Variants in CFAP65 observed in about 807,000 individuals in gnomAD.
The protein encoded by CFAP65 is cilia and flagella associated protein 65, also known as cilia- and flagella-associated protein 65.
A neutral mutation model predicts 208.0 loss-of-function variants in CFAP65; 155 were observed. That is an observed-to-expected ratio of 0.75 (90% CI 0.65 to 0.85). CFAP65 has a LOEUF of 0.85. Ranked by LOEUF, CFAP65 falls within the 40% of genes least tolerant of loss-of-function variation. The probability of loss-of-function intolerance (pLI) is 0.00; values close to 1 mark genes in which losing one functional copy is unlikely to be tolerated. For missense variants in CFAP65, 2,294 were observed against 2,451.3 expected, an observed-to-expected ratio of 0.94 and a Z score of 1.36; for synonymous variants, 970 against 986.3, an observed-to-expected ratio of 0.98 and a Z score of 0.31.
rs375709701 is a variant in CFAP65 at position 219,026,262 on chromosome 2, T to C, written c.2212-103A>G. The C allele has an allele frequency of 3.1e-6, 4 of 1,274,040 alleles. No individual in the cohort carries two copies. In the African/African-American group the frequency reaches 4.5e-5, roughly 14 times the overall value. The allele number at this position is 1,274,040 out of a possible 1,614,324, so 78.9% of individuals were successfully genotyped here. A position where few individuals can be genotyped will look rare whatever the true frequency, so the allele number is the denominator to read the frequency against. On this transcript the variant is annotated intron_variant, in intron 13 of 34. Transcript: ENST00000341552. ...GCCCTTGTGCTGCAGGAGTCTGACA[T>C]TGGACACAGACAGGAGGGCCTCCCT...
chr2:219,028,373 G>A lies in CFAP65; in HGVS notation c.1679C>T (p.Thr560Ile). The A allele has an allele frequency of 6.2e-7, 1 of 1,613,352 alleles. No individual in the cohort carries two copies. The highest frequency in any genetic ancestry group is 8.5e-7 in the Non-Finnish European group (1 of 1,179,946). ...QDPLFLDLMG[T>I]CHSDSTKPAI... is the part of the protein sequence containing the mutation. ...TGGCTTGGTGCTGTCCGAGTGGCAG[G>A]TCCCCATCAGGTCCAGGAACAGTGG... The change falls in exon 12 of 35, where the codon ACC becomes ATC. Residue 560 changes from threonine (T) to isoleucine (I), a missense_variant. By Grantham distance (89) the Thr-to-Ile change is moderately conservative. This residue lies in a region of CFAP65 where 867 missense variants were observed against 1,012.6 expected (regional missense o/e 0.86). Coordinates refer to ENST00000341552, the MANE Select transcript of CFAP65 (RefSeq NM_194302.4).
At chr2:219,010,444 C>T (rs774366579) in intron 26 of CFAP65, 102 bp downstream of exon 26, 30 of 1,270,508 alleles carry the variant, frequency 2.4e-5, no homozygotes, top group East Asian at 1.5e-4. Flanking sequence ...TCCTCAACTA[C>T]ATCTCATGTC....
At chr2:219,022,985 T>C (rs1482216172) in intron 16 of CFAP65, among the ~76,000 whole-genome samples, 1 of 152,212 alleles carries the variant, frequency 6.6e-6, no homozygotes, top group Non-Finnish European at 1.5e-5. Context: ...CTGCACGGCC[T>C]AACTTATGAT....
intron 29 of CFAP65, among the ~76,000 whole-genome samples, chr2:219,008,333 C>T (rs552159036): frequency 3.4e-4 from 52 of 152,266 alleles, no homozygotes; most frequent in Non-Finnish European, 6.6e-4. Context: ...GCTGAAGGAA[C>T]TGAGATGTTA....
Position 219,006,087 on chromosome 2 carries a change from C to T in CFAP65, c.4856G>A (p.Arg1619Gln), listed in dbSNP as rs759656271. The change falls in exon 31 of 35, where the codon CGA (arginine) becomes CAA (glutamine). Residue 1619 changes from arginine (R) to glutamine (Q), a missense_variant. Coordinates refer to ENST00000341552, the MANE Select transcript of CFAP65 (RefSeq NM_194302.4). ...PGMLCLGLTARAHATDYFLAN... is the reference protein window; with the variant it reads ...PGMLCLGLTAQAHATDYFLAN... ...CAGAAAGTAGTCGGTGGCATGGGCT[C>T]GGGCAGTAAGGCCCAGGCAGAGCAT... is the stretch of plus-strand genomic sequence containing the variant. 1.5e-5 allele frequency: 25 copies of T among 1,613,380 alleles called. No individual in the cohort carries two copies. The East Asian group carries it at 2.2e-4, about 14-fold the overall frequency.
At chr2:219,013,749 T>C in intron 22 of CFAP65, 119 bp downstream of exon 22, 5 of 1,156,784 alleles carry the variant, frequency 4.3e-6, no homozygotes, top group Non-Finnish European at 6.4e-6. Flanking sequence ...CCTCTGCAGG[T>C]GAGAAGGTGG....
At chr2:219,035,136 T>A in intron 5 of CFAP65, 7 of 460,672 alleles carry the variant, frequency 1.5e-5, no homozygotes, top group South Asian at 8.5e-5. Context: ...GACTCCAAAA[T>A]CACGTGAGCC....
intron 10 of CFAP65, 46 bp downstream of exon 10, chr2:219,029,940 A>AG (rs751093010): frequency 6.4e-7 from 1 of 1,562,630 alleles, no homozygotes; most frequent in East Asian, 2.3e-5. Context: ...AATCCTCAGC[A>AG]GGGGCTGCTC....
rs1264922165 is a variant in CFAP65 at position 219,038,988 on chromosome 2, C to T, written c.61G>A (p.Val21Ile). 1 of 1,613,974 alleles carries T rather than the reference C, an allele frequency of 6.2e-7. No homozygotes were observed. The highest frequency in any genetic ancestry group is 8.5e-7 in the Non-Finnish European group (1 of 1,179,906). ...AGGGGGAAAGAAGAGGCAAATGAGA[C>T]TGATGGATTCTCCACCTTCTGGGTT... ...EKTQKVENPS[V>I]SFASSFPLIP... Residue 21 changes from valine (V) to isoleucine (I), a missense_variant, in exon 3 of 35, where the codon GTC becomes ATC. By Grantham distance (29) the Val-to-Ile change is conservative. Around this residue, in one of 2 missense-constraint regions of CFAP65, gnomAD observed 867 missense variants for 1,012.6 expected, o/e 0.86. Coordinates refer to ENST00000341552, the MANE Select transcript of CFAP65 (RefSeq NM_194302.4).
chr2:219,041,096 A>G (rs369986907), intron 1 of CFAP65, among the ~76,000 whole-genome samples: 1 of 152,126 alleles, frequency 6.6e-6, no homozygotes, highest in Non-Finnish European at 1.5e-5. Context: ...TTTGTTTTGG[A>G]TTTGTTTTGT....
In CFAP65 at chr2:219,009,417, G is replaced by C. The variant is rs367609058; in HGVS notation, c.4496C>G (p.Thr1499Arg). The change falls in exon 28 of 35, where the codon ACG becomes AGG. Residue 1499 changes from threonine (T) to arginine (R), a missense_variant. Transcript: ENST00000341552. ...CCTCAAGGTCACCACAAATGGGACCGTCTCTTCAGGAGCCACCACCCCTAT... is the reference window on the plus strand; with the variant it reads ...CCTCAAGGTCACCACAAATGGGACCCTCTCTTCAGGAGCCACCACCCCTAT... ...PMIGVVAPEE[T>R]VPFVVTLRAS... 6.2e-7 allele frequency: 1 copy of C among 1,612,630 alleles called. No homozygotes were observed. Among genetic ancestry groups the C allele is most frequent in the African/African-American group, 1.3e-5 (1 of 75,020 alleles).
intron 29 of CFAP65, among the ~76,000 whole-genome samples, chr2:219,008,457 A>G (rs944509247): frequency 2.0e-5 from 3 of 152,140 alleles, no homozygotes; most frequent in African/African-American, 7.2e-5. Context: ...CAGAAGGTGA[A>G]CTCTAGGCTG....
chr2:219,004,532 G>A lies in CFAP65; in HGVS notation c.5052-77C>T, dbSNP rs1054468141. ...TGGGGAGCCCTGGCTTCAGAGCTAG[G>A]TTCTAGGTGGGAAAGGGGCTGCTAG... On this transcript the variant is annotated intron_variant, in intron 32 of 34. Coordinates refer to ENST00000341552, the MANE Select transcript of CFAP65 (RefSeq NM_194302.4). This position sits in a 1 kb window ranked among gnomAD's most constrained non-coding sequence, Gnocchi z 4.7. 2 of 1,487,470 alleles carry A rather than the reference G, an allele frequency of 1.3e-6. No individual in the cohort carries two copies. Among genetic ancestry groups the A allele is most frequent in the Non-Finnish European group, 1.8e-6 (2 of 1,108,540 alleles). 92.1% of individuals were successfully genotyped at this position (1,487,470 alleles called of 1,614,324 possible).
chr2:219,027,680 C>G lies in CFAP65; in HGVS notation c.2181G>C (p.Thr727=). 6.2e-7 allele frequency: 1 copy of G among 1,614,014 alleles called. No homozygotes were observed. The highest frequency in any genetic ancestry group is 8.5e-7 in the Non-Finnish European group (1 of 1,180,034). ...FQPPHPNCLY[T]VELEAFAIYK... ...AGATGGCGAAGGCTTCGAGCTCCAC[C>G]GTGTAAAGGCAGTTGGGGTGAGGCG... The change falls in exon 13 of 35, where the codon ACG becomes ACC. Residue 727 remains threonine, a synonymous_variant. Transcript: ENST00000341552.
rs1418149443 is a variant in CFAP65 at position 219,004,830 on chromosome 2, C to A, written c.5052-375G>T. Among the ~76,000 whole-genome samples the A allele has an allele frequency of 8.3e-5, 2 of 24,172 alleles. No individual in the cohort carries two copies. The highest frequency in any genetic ancestry group is 4.3e-3 in the South Asian group (1 of 230). The allele number at this position is 24,172 out of a possible 152,430, so 15.9% of individuals were successfully genotyped here. A position where few individuals can be genotyped will look rare whatever the true frequency, so the allele number is the denominator to read the frequency against. On this transcript the variant is annotated intron_variant, in intron 32 of 34. Transcript: ENST00000341552. This position sits in a 1 kb window ranked among gnomAD's most constrained non-coding sequence, Gnocchi z 4.7. ...CCCCACTGTCCTGGGGTGGGGGGGC[C>A]GGGGGGGGGGACCGTGGTGGGATCT...
intron 31 of CFAP65, 41 bp downstream of exon 31, chr2:219,005,980 G>A (rs370048253): frequency 2.9e-5 from 46 of 1,589,340 alleles, no homozygotes; most frequent in African/African-American, 5.4e-5. Context: ...AGAGGGGACA[G>A]AGAGAAGAGG....
At chr2:219,010,236 C>T in intron 26 of CFAP65, 151 bp from the exon 27 acceptor site, 2 of 720,940 alleles carry the variant, frequency 2.8e-6, no homozygotes, top group Admixed American at 3.1e-5. Flanking sequence ...CACCTTTCAA[C>T]ACCCCCACTC....
Position 219,007,374 on chromosome 2 carries a change from T to G in CFAP65, c.4675-865A>C, listed in dbSNP as rs368621421. Among the ~76,000 whole-genome samples the G allele has an allele frequency of 3.5e-3, 527 of 152,122 alleles. 6 individuals carry two copies. The highest frequency in any genetic ancestry group is 0.012 in the African/African-American group (481 of 41,496). ...ATTTTATTTCTGTAGTGGCAGGGTC[T>G]CACTATGTTGTCCAAGGCTGGTTTT... On this transcript the variant is annotated intron_variant, in intron 29 of 34. Coordinates refer to ENST00000341552, the MANE Select transcript of CFAP65 (RefSeq NM_194302.4).
intron 4 of CFAP65, among the ~76,000 whole-genome samples, chr2:219,037,247 C>T (rs1487834819): frequency 1.3e-5 from 2 of 152,136 alleles, no homozygotes; most frequent in Non-Finnish European, 2.9e-5. Context: ...AAAAAATTAG[C>T]CGGGCATGGT....
Sources: gnomAD v4.1 joint callset for allele counts (sites outside exome capture counted in the v4.1 genomes callset) on GRCh38, gnomAD v4.1.1 for gene constraint, gnomAD v4.1.1 regional missense constraint, Gnocchi (gnomAD v3.1) non-coding constraint, MANE v1.5 for transcripts, NCBI Gene and HGNC (gene_info 2026-07-23, HGNC 2026-07-21) for gene names.